The following CACNB4 variants were observed in gnomAD, a reference collection of about 807,000 sequenced individuals.
CACNB4 encodes calcium voltage-gated channel auxiliary subunit beta 4.
In CACNB4, 32 loss-of-function variants were observed where a neutral mutation model predicts 71.2. The ratio of observed to expected loss-of-function variants is 0.45; its 90% CI spans 0.34 to 0.60. The LOEUF is 0.60. CACNB4 is among the 20% of genes least tolerant of loss of function. The pLI, the probability that CACNB4 is intolerant of heterozygous loss-of-function variation, is 0.01. For missense variants in CACNB4, 464 were observed against 647.9 expected (o/e 0.72, Z 3.08); for synonymous variants, 231 against 236.9 (o/e 0.97, Z 0.23).
intron 2 of CACNB4, among the ~76,000 whole-genome samples, chr2:152,062,328 G>C (rs557478454): frequency 7.2e-5 from 11 of 152,120 alleles, no homozygotes; most frequent in Non-Finnish European, 1.2e-4. Flanking sequence ...GGCCAGTCCA[G>C]TCACACCACT....
chr2:152,087,002 C>T (rs1687695357), intron 2 of CACNB4, among the ~76,000 whole-genome samples: 1 of 152,172 alleles, frequency 6.6e-6, no homozygotes, highest in Admixed American at 6.5e-5. Context: ...CATGCTGGCA[C>T]ATGCCTGTAA....
rs1410287562 is a variant in CACNB4, at chr2:152,098,716, G to A, written c.63+233C>T. 1 of 1,553,186 alleles carries A rather than the reference G, an allele frequency of 6.4e-7. No homozygotes were observed. Among genetic ancestry groups the A allele is most frequent in the African/African-American group, 1.4e-5 (1 of 73,272 alleles). ...CCGCTGGGGGAGGCTGCGGGCTCCG[G>A]AGCGGGAGCGCAGAGACCCGAAGGA... On this transcript the variant is annotated intron_variant, in intron 1 of 13. Coordinates refer to ENST00000539935, the MANE Select transcript of CACNB4 (RefSeq NM_000726.5). The surrounding 1 kb of genome is among the most constrained non-coding windows in gnomAD (Gnocchi z 5.3).
At chr2:151,849,973 G>C (rs1341080582) in intron 12 of CACNB4, among the ~76,000 whole-genome samples, 1 of 152,048 alleles carries the variant, frequency 6.6e-6, no homozygotes, top group African/African-American at 2.4e-5. Context: ...TTTCCTGCTC[G>C]AGAGCAGAGA....
intron 2 of CACNB4, among the ~76,000 whole-genome samples, chr2:152,058,878 C>T (rs1460059936): frequency 6.6e-6 from 1 of 152,228 alleles, no homozygotes; most frequent in Admixed American, 6.5e-5. Flanking sequence ...GCCCAGGATC[C>T]CCCCTGCTGT....
intron 2 of CACNB4, among the ~76,000 whole-genome samples, chr2:152,052,423 T>C (rs1305556962): frequency 6.6e-6 from 1 of 152,080 alleles, no homozygotes; most frequent in Non-Finnish European, 1.5e-5. Context: ...TGCCACAGCC[T>C]AAGTAGCTGG....
intron 2 of CACNB4, among the ~76,000 whole-genome samples, chr2:151,911,949 T>A (rs1295287464): frequency 6.6e-6 from 1 of 152,188 alleles, no homozygotes; most frequent in Non-Finnish European, 1.5e-5. Context: ...TTCTAGTTTA[T>A]TTTTGCATAG....
chr2:152,088,639 T>C (rs1422914095), intron 2 of CACNB4, among the ~76,000 whole-genome samples: 1 of 152,238 alleles, frequency 6.6e-6, no homozygotes, highest in Non-Finnish European at 1.5e-5. Flanking sequence ...AGACACGATT[T>C]GTCATCCAAA....
chr2:151,856,386 C>T lies in CACNB4; in HGVS notation c.869-1011G>A, dbSNP rs375030125. ...TGGCATGATCTTGGCTCACTGTAAC[C>T]TCTACCTCCCGGGTTCAAGTGATTC... On this transcript the variant is annotated intron_variant, in intron 10 of 13. Coordinates refer to ENST00000539935, the MANE Select transcript of CACNB4 (RefSeq NM_000726.5). 4.6e-5 allele frequency among the ~76,000 whole-genome samples: 7 copies of T among 152,174 alleles called. No homozygotes were observed. In the East Asian group the frequency reaches 1.2e-3, roughly 25 times the overall value.
intron 2 of CACNB4, among the ~76,000 whole-genome samples, chr2:151,964,241 C>T (rs1278849220): frequency 6.6e-6 from 1 of 152,018 alleles, no homozygotes; most frequent in Non-Finnish European, 1.5e-5. Context: ...GAAAAAAAAT[C>T]CACAGTACAT....
chr2:151,892,327 T>C (rs765592062), intron 2 of CACNB4, among the ~76,000 whole-genome samples: 9 of 151,600 alleles, frequency 5.9e-5, no homozygotes, highest in Non-Finnish European at 1.0e-4. Flanking sequence ...ACAGGATATA[T>C]GTTTCCCCTA....
intron 2 of CACNB4, among the ~76,000 whole-genome samples, chr2:152,096,031 C>T (rs555380720): frequency 3.3e-5 from 5 of 152,214 alleles, no homozygotes; most frequent in Admixed American, 6.5e-5. Context: ...CAATTTTATC[C>T]GAAAGTTATT....
intron 2 of CACNB4, among the ~76,000 whole-genome samples, chr2:152,036,453 C>T (rs1684597363): frequency 6.6e-6 from 1 of 152,112 alleles, no homozygotes; most frequent in South Asian, 2.1e-4. Flanking sequence ...GCGCGCGCCA[C>T]CATGCCTGGC....
At chr2:151,878,550 T>TAAACACACAC (rs1553758243) in intron 4 of CACNB4, among the ~76,000 whole-genome samples, 2 of 129,878 alleles carry the variant, frequency 1.5e-5, no homozygotes, top group African/African-American at 5.8e-5. Context: ...AGACCCTGTC[T>TAAACACACAC]ACACACACAC....
At chr2:151,993,880 T>C (rs1159779033) in intron 2 of CACNB4, among the ~76,000 whole-genome samples, 3 of 149,648 alleles carry the variant, frequency 2.0e-5, no homozygotes, top group South Asian at 2.2e-4. Flanking sequence ...ACTTTTAAAG[T>C]TGAAAAAGTG....
intron 2 of CACNB4, among the ~76,000 whole-genome samples, chr2:152,000,115 A>G (rs985705311): frequency 6.6e-6 from 1 of 152,186 alleles, no homozygotes; most frequent in Non-Finnish European, 1.5e-5. Context: ...ATTTTCAACA[A>G]TGATGCTCAT....
intron 2 of CACNB4, among the ~76,000 whole-genome samples, chr2:151,937,492 C>T (rs569251017): frequency 6.6e-6 from 1 of 152,270 alleles, no homozygotes; most frequent in South Asian, 2.1e-4. Flanking sequence ...AAGCCCTTCT[C>T]AGTTTATTTA....
chr2:152,058,985 C>G (rs886419189), intron 2 of CACNB4, among the ~76,000 whole-genome samples: 1 of 152,260 alleles, frequency 6.6e-6, no homozygotes, highest in Non-Finnish European at 1.5e-5. Context: ...GTGCAAGTCC[C>G]AAGCCTTGGC....
intron 2 of CACNB4, among the ~76,000 whole-genome samples, chr2:151,933,269 A>T (rs2099862072): frequency 6.6e-6 from 1 of 151,836 alleles, no homozygotes. Flanking sequence ...TGTTGGCCTT[A>T]TTAGATATTT....
chr2:152,001,293 G>C (rs1682389284), intron 2 of CACNB4, among the ~76,000 whole-genome samples: 1 of 152,038 alleles, frequency 6.6e-6, no homozygotes, highest in Non-Finnish European at 1.5e-5. Context: ...TGGGGCCTGA[G>C]ACTCAGGCCC....
Sources: allele counts gnomAD v4.1 joint callset (sites outside exome capture counted in the v4.1 genomes callset), GRCh38; gene constraint gnomAD v4.1.1; non-coding constraint Gnocchi (gnomAD v3.1); transcripts MANE v1.5; gene names NCBI Gene and HGNC (gene_info 2026-07-23, HGNC 2026-07-21).